DHX37: variants seen among roughly 807,000 people sequenced by gnomAD.
DHX37 encodes probable ATP-dependent RNA helicase DHX37.
In DHX37, 52 loss-of-function variants were observed where a neutral mutation model predicts 134.3. The observed-to-expected ratio is 0.39, with a 90% CI of 0.31 to 0.49. DHX37 has a LOEUF of 0.49. Among genes scored for constraint, DHX37 ranks in the 20% least tolerant of loss-of-function variants. The pLI is 0.93. For synonymous variants in DHX37, 634 were observed against 670.7 expected (o/e 0.95, Z 0.85); for missense variants, 1,344 against 1,580.8 (o/e 0.85, Z 2.54).
chr12:124,981,924 G>C (rs1954768810), intron 3 of DHX37, among the ~76,000 whole-genome samples: 1 of 151,716 alleles, frequency 6.6e-6, no homozygotes, highest in African/African-American at 2.4e-5. Context: ...GGGAGTTCGA[G>C]ACCAGCCTGA....
intron 15 of DHX37, among the ~76,000 whole-genome samples, chr12:124,963,727 A>C (rs1310337316): frequency 6.6e-6 from 1 of 151,386 alleles, no homozygotes; most frequent in Non-Finnish European, 1.5e-5. Context: ...AAAAAAAAAA[A>C]AAATTAGCCG....
intron 15 of DHX37, among the ~76,000 whole-genome samples, chr12:124,963,878 C>CAAA (rs71092251): frequency 1.2e-4 from 11 of 91,672 alleles, no homozygotes; most frequent in African/African-American, 3.1e-4. Flanking sequence ...AGACTCGTCT[C>CAAA]AAAAAAAAAA....
chr12:124,961,001 G>A (rs954335821), intron 15 of DHX37, among the ~76,000 whole-genome samples: 1 of 152,182 alleles, frequency 6.6e-6, no homozygotes, highest in Non-Finnish European at 1.5e-5. Flanking sequence ...TTAAAACAGG[G>A]GATGGTGCAT....
intron 8 of DHX37, 38 bp from the exon 9 acceptor site, chr12:124,969,006 C>A (rs746382685): frequency 6.3e-7 from 1 of 1,596,058 alleles, no homozygotes; most frequent in Non-Finnish European, 8.5e-7. Context: ...GGCCCCAGGA[C>A]CGCAGGTGGG....
intron 20 of DHX37, 151 bp downstream of exon 20, chr12:124,953,729 A>G (rs1954022028): frequency 1.5e-6 from 2 of 1,327,950 alleles, no homozygotes; most frequent in Non-Finnish European, 1.0e-6. Context: ...TTCCTGGAAA[A>G]GCTCCCCAAG....
At chr12:124,964,367 C>A (rs1236463415) in intron 15 of DHX37, 27 bp downstream of exon 15, 1 of 1,610,496 alleles carries the variant, frequency 6.2e-7, no homozygotes, top group African/African-American at 1.3e-5. Flanking sequence ...GCACCAACGT[C>A]CCTGAGGAGG....
chr12:124,947,697 G>A lies in DHX37; in HGVS notation c.*105C>T, dbSNP rs1953901328. 1.4e-6 allele frequency: 2 copies of A among 1,393,406 alleles called. No homozygotes were observed. The highest frequency in any genetic ancestry group is 3.1e-5 in the South Asian group (2 of 65,466). 86.3% of individuals were successfully genotyped at this position (1,393,406 alleles called of 1,614,324 possible). On this transcript the variant is annotated 3_prime_UTR_variant, in exon 27 of 27. Coordinates refer to ENST00000308736, the MANE Select transcript of DHX37 (RefSeq NM_032656.4). ...CCAGGGCTTGACCCACTTCCTGAGA[G>A]CAGGCCACGAAGCCCATGCCAGGTG...
chr12:124,956,878 C>A lies in DHX37; in HGVS notation c.2266G>T (p.Val756Leu). The A allele has an allele frequency of 6.3e-7, 1 of 1,585,402 alleles. No homozygotes were observed. Among genetic ancestry groups the A allele is most frequent in the Non-Finnish European group, 8.6e-7 (1 of 1,160,038 alleles). The change falls in exon 18 of 27, where the codon GTG becomes TTG. Residue 756 changes from valine to leucine, a missense_variant and splice_region_variant. Transcript: ENST00000308736. ...AGCCGGTTCTCCTGCAGTTGCTTCA[C>A]CCTGGAGATGGAGGTGGTGGTGGCA... ...ALQPPQKAERVKQLQENRLSC... is the reference protein window; with the variant it reads ...ALQPPQKAERLKQLQENRLSC...
At position 124,975,394 on chromosome 12, in the gene DHX37, C is replaced by T. The variant is rs201625519; in HGVS notation, c.980+25G>A. On this transcript the variant is annotated intron_variant, in intron 6 of 26. Transcript: ENST00000308736. Reference sequence around the variant, plus strand: ...AAGGCCACAGGACCACCCCATAGTCCGCCCCAGGGAAGTAGAGCCCTCACC... The same window carrying T: ...AAGGCCACAGGACCACCCCATAGTCTGCCCCAGGGAAGTAGAGCCCTCACC... The T allele has an allele frequency of 6.0e-4, 967 of 1,609,578 alleles. 1 individual carries two copies. The highest frequency in any genetic ancestry group is 1.6e-3 in the Admixed American group (94 of 59,862).
intron 5 of DHX37, 101 bp from the exon 6 acceptor site, chr12:124,975,612 G>A (rs1954622326): frequency 2.3e-5 from 29 of 1,266,836 alleles, no homozygotes; most frequent in Non-Finnish European, 2.9e-5. Context: ...CTGACCTGGC[G>A]CTCACCCAGG....
Position 124,975,413 on chromosome 12 carries a change from C to A in DHX37, c.980+6G>T, listed in dbSNP as rs764707226. On this transcript the variant is annotated splice_donor_region_variant and intron_variant, in intron 6 of 26. Transcript: ENST00000308736. ...ATAGTCCGCCCCAGGGAAGTAGAGC[C>A]CTCACCGCTGGGACAGATTCATCTC... 4 of 1,612,680 alleles carry A rather than the reference C, an allele frequency of 2.5e-6. No individual in the cohort carries two copies. The highest frequency in any genetic ancestry group is 1.7e-4 in the Middle Eastern group (1 of 6,056).
At chr12:124,974,898 T>G (rs1165150605) in intron 6 of DHX37, among the ~76,000 whole-genome samples, 1 of 151,964 alleles carries the variant, frequency 6.6e-6, no homozygotes, top group East Asian at 1.9e-4. Context: ...TGCCTTAACC[T>G]CCCGAGTAGC....
intron 26 of DHX37, 67 bp downstream of exon 26, chr12:124,948,017 G>A: frequency 2.5e-6 from 4 of 1,613,938 alleles, no homozygotes; most frequent in Non-Finnish European, 3.4e-6. Flanking sequence ...CGTGCACAAA[G>A]CACAAAGCCC....
In DHX37 at chr12:124,953,664, G is replaced by T. The variant is rs1239988618; in HGVS notation, c.2695+216C>A. ...CCGAGCGACGACCTGGTGGGGGAGG[G>T]TGCAGGCTGGCAGCTCGAATCTGTT... On this transcript the variant is annotated intron_variant, in intron 20 of 26. Coordinates refer to ENST00000308736, the MANE Select transcript of DHX37 (RefSeq NM_032656.4). 6.3e-6 allele frequency: 5 copies of T among 790,360 alleles called. No individual in the cohort carries two copies. The African/African-American group carries it at 8.7e-5, about 14-fold the overall frequency. 49.0% of individuals were successfully genotyped at this position (790,360 alleles called of 1,614,324 possible).
At position 124,949,103 on chromosome 12, in the gene DHX37, T is replaced by C. The variant is rs1384055570; in HGVS notation, c.3290+883A>G. Among the ~76,000 whole-genome samples, 1 of 152,134 alleles carries C rather than the reference T, an allele frequency of 6.6e-6. No homozygotes were observed. The highest frequency in any genetic ancestry group is 2.4e-5 in the African/African-American group (1 of 41,434). On this transcript the variant is annotated intron_variant, in intron 25 of 26. Coordinates refer to ENST00000308736, the MANE Select transcript of DHX37 (RefSeq NM_032656.4). This position sits in a 1 kb window ranked among gnomAD's most constrained non-coding sequence, Gnocchi z 4.0. ...CCTGCCCACCGAGGCCTCACTCATGTCCTGCTCTGTCCCTCTGGGGCCGAG... is the reference window on the plus strand; with the variant it reads ...CCTGCCCACCGAGGCCTCACTCATGCCCTGCTCTGTCCCTCTGGGGCCGAG...
intron 15 of DHX37, among the ~76,000 whole-genome samples, chr12:124,961,441 G>A (rs4765190): frequency 6.6e-6 from 1 of 151,646 alleles, no homozygotes; most frequent in Non-Finnish European, 1.5e-5. Context: ...AACTTTTTTT[G>A]TTTTTGAGAT....
chr12:124,953,759 A>G, intron 20 of DHX37, 121 bp downstream of exon 20: 1 of 1,436,532 alleles, frequency 7.0e-7, no homozygotes, highest in South Asian at 1.4e-5. Context: ...AGGGTTATAA[A>G]TACATTTTGG....
Position 124,952,573 on chromosome 12 carries a change from G to T in DHX37, c.2696-3C>A. 5 of 1,576,184 alleles carry T rather than the reference G, an allele frequency of 3.2e-6. No homozygotes were observed. The highest frequency in any genetic ancestry group is 3.5e-6 in the Non-Finnish European group (4 of 1,156,140). ...AGCCTCGGGGCACACGGCATTGACT[G>T]AGGGGAGAACCAAGAGTGAGGTCGG... On this transcript the variant is annotated splice_polypyrimidine_tract_variant and splice_region_variant and intron_variant, in intron 20 of 26. Transcript: ENST00000308736.
chr12:124,965,678 C>T lies in DHX37; in HGVS notation c.1725G>A (p.Gly575=), dbSNP rs938870634. 1 of 1,607,422 alleles carries T rather than the reference C, an allele frequency of 6.2e-7. No homozygotes were observed. The highest frequency in any genetic ancestry group is 8.5e-7 in the Non-Finnish European group (1 of 1,176,260). Residue 575 remains glycine, a synonymous_variant, in exon 13 of 27, where the codon GGG becomes GGA. Transcript: ENST00000308736. ...GTGCTCGGGCCACACCTCCATCTTG[C>T]CCGCCATCCCCCAGGTCCAGATCGA... ...SDLDLDLGDG[G]QDGGEQPDAS...
Sources: gnomAD v4.1 joint callset for allele counts (sites outside exome capture counted in the v4.1 genomes callset) on GRCh38, gnomAD v4.1.1 for gene constraint, Gnocchi (gnomAD v3.1) non-coding constraint, MANE v1.5 for transcripts, NCBI Gene and HGNC (gene_info 2026-07-23, HGNC 2026-07-21) for gene names.